The following NRXN3 variants were observed in gnomAD, a reference collection of about 807,000 sequenced individuals.
NRXN3 encodes neurexin 3.
A neutral mutation model predicts 137.6 loss-of-function variants in NRXN3; 32 were observed. The ratio of observed to expected loss-of-function variants is 0.23; its 90% CI spans 0.18 to 0.31. The LOEUF is 0.31. Among genes scored for constraint, NRXN3 ranks in the 10% least tolerant of loss-of-function variants. The pLI is 1.00. For missense variants in NRXN3, 1,574 were observed against 2,062.5 expected (o/e 0.76, Z 4.59); for synonymous variants, 798 against 784.5 (o/e 1.02, Z -0.29).
At chr14:78,602,267 CTTTT>C (rs370669288) in intron 4 of NRXN3, among the ~76,000 whole-genome samples, 1 of 115,278 alleles carries the variant, frequency 8.7e-6, no homozygotes, top group Admixed American at 8.7e-5. Flanking sequence ...TCACATTAGC[CTTTT>C]TTTTTTTTTT....
chr14:78,421,401 G>A (rs1014446547), intron 4 of NRXN3, among the ~76,000 whole-genome samples: 1 of 152,110 alleles, frequency 6.6e-6, no homozygotes, highest in Non-Finnish European at 1.5e-5. Flanking sequence ...GTCTAACAAG[G>A]AGGATATAAA....
At chr14:78,742,526 A>G (rs1347013910) in intron 8 of NRXN3, among the ~76,000 whole-genome samples, 1 of 152,232 alleles carries the variant, frequency 6.6e-6, no homozygotes, top group Admixed American at 6.5e-5. Context: ...GTTAAGCAAC[A>G]TTAAATTTAA....
chr14:78,314,589 CTCAG>C (rs1432335923), intron 4 of NRXN3, among the ~76,000 whole-genome samples: 1 of 152,188 alleles, frequency 6.6e-6, no homozygotes. Context: ...TTGGCCAGAA[CTCAG>C]TCACGTAATC....
intron 8 of NRXN3, among the ~76,000 whole-genome samples, chr14:78,721,291 T>C (rs1319425119): frequency 6.6e-6 from 1 of 152,202 alleles, no homozygotes; most frequent in Non-Finnish European, 1.5e-5. Flanking sequence ...GAATCTGCGT[T>C]ATGGCTGTGC....
At chr14:79,066,533 G>A (rs540498531) in intron 15 of NRXN3, among the ~76,000 whole-genome samples, 8 of 152,210 alleles carry the variant, frequency 5.3e-5, no homozygotes, top group African/African-American at 1.2e-4. Context: ...AATGTCAATG[G>A]TAGTTTAATG....
At chr14:78,837,378 T>C (rs2099000040) in intron 10 of NRXN3, among the ~76,000 whole-genome samples, 4 of 152,134 alleles carry the variant, frequency 2.6e-5, no homozygotes, top group African/African-American at 9.7e-5. Context: ...TGGATCCAAC[T>C]GTGAATAGTG....
At chr14:78,873,467 C>T (rs1176008780) in intron 10 of NRXN3, among the ~76,000 whole-genome samples, 4 of 152,124 alleles carry the variant, frequency 2.6e-5, no homozygotes, top group African/African-American at 7.2e-5. Context: ...CATGTTTGGG[C>T]TCATAAAAAT....
intron 19 of NRXN3, among the ~76,000 whole-genome samples, chr14:79,741,660 A>G (rs1452206110): frequency 2.0e-5 from 3 of 151,724 alleles, no homozygotes; most frequent in Admixed American, 2.0e-4. Context: ...AAGTTTTTGT[A>G]TTTTTAGTAG....
intron 19 of NRXN3, among the ~76,000 whole-genome samples, chr14:79,789,706 T>A (rs561413346): frequency 6.6e-6 from 1 of 152,268 alleles, no homozygotes; most frequent in East Asian, 1.9e-4. Flanking sequence ...TGACCAGAGG[T>A]CACTCTCATC....
intron 17 of NRXN3, among the ~76,000 whole-genome samples, chr14:79,690,333 T>C (rs370769395): frequency 5.9e-5 from 9 of 152,158 alleles, no homozygotes; most frequent in East Asian, 1.9e-4. Flanking sequence ...CTCTAATCGA[T>C]AGCTATATTC....
At chr14:78,917,540 G>A (rs911925033) in intron 10 of NRXN3, among the ~76,000 whole-genome samples, 6 of 152,194 alleles carry the variant, frequency 3.9e-5, no homozygotes, top group Non-Finnish European at 5.9e-5. Flanking sequence ...GAATTCTTGT[G>A]AGAAGTCATT....
chr14:78,922,401 CT>C (rs765043499), intron 10 of NRXN3, among the ~76,000 whole-genome samples: 13 of 152,040 alleles, frequency 8.6e-5, no homozygotes, highest in Non-Finnish European at 1.8e-4. Context: ...TCTAAAATAT[CT>C]TTTCTATTTT....
chr14:78,678,481 G>C (rs2098034889), intron 6 of NRXN3, among the ~76,000 whole-genome samples: 2 of 152,044 alleles, frequency 1.3e-5, no homozygotes, highest in African/African-American at 4.8e-5. Flanking sequence ...AGTTGTGCCA[G>C]AGTTTATCTA....
At chr14:78,848,510 T>C (rs1251000868) in intron 10 of NRXN3, among the ~76,000 whole-genome samples, 1 of 152,136 alleles carries the variant, frequency 6.6e-6, no homozygotes, top group Non-Finnish European at 1.5e-5. Context: ...GAGAAGGACA[T>C]GTCAAATTAG....
chr14:79,573,177 T>C (rs1445721466), intron 16 of NRXN3, among the ~76,000 whole-genome samples: 2 of 152,182 alleles, frequency 1.3e-5, no homozygotes, highest in East Asian at 1.9e-4. Context: ...CATGTATCTT[T>C]GACTCAAATG....
At chr14:79,474,056 T>A (rs535791079) in intron 16 of NRXN3, among the ~76,000 whole-genome samples, 1 of 152,300 alleles carries the variant, frequency 6.6e-6, no homozygotes, top group South Asian at 2.1e-4. Flanking sequence ...ACACATGGTT[T>A]TGAGAGGCAG....
chr14:79,565,767 T>G (rs2097545436), intron 16 of NRXN3, among the ~76,000 whole-genome samples: 1 of 152,156 alleles, frequency 6.6e-6, no homozygotes, highest in African/African-American at 2.4e-5. Context: ...GCACATTGAC[T>G]GTTCTTAGGT....
chr14:79,261,230 G>A (rs942268779), intron 15 of NRXN3, among the ~76,000 whole-genome samples: 2 of 152,242 alleles, frequency 1.3e-5, no homozygotes, highest in Non-Finnish European at 2.9e-5. Context: ...ACAAAGAAGA[G>A]AAGCAGAACA....
At chr14:79,496,214 TTCTCTC>T (rs149328690) in intron 16 of NRXN3, among the ~76,000 whole-genome samples, 31 of 144,738 alleles carry the variant, frequency 2.1e-4, no homozygotes, top group Non-Finnish European at 3.9e-4. Context: ...TTGAACTTAA[TTCTCTC>T]TCTCTCTCTC....
Sources: allele counts gnomAD v4.1 joint callset (sites outside exome capture counted in the v4.1 genomes callset), GRCh38; gene constraint gnomAD v4.1.1; transcripts MANE v1.5; gene names NCBI Gene and HGNC (gene_info 2026-07-23, HGNC 2026-07-21).